DTNBP1: variants seen among roughly 807,000 people sequenced by gnomAD.
DTNBP1 encodes the protein dysbindin.
A neutral mutation model predicts 42.8 loss-of-function variants in DTNBP1; 35 were observed. The ratio of observed to expected loss-of-function variants is 0.82; its 90% confidence interval spans 0.63 to 1.09. DTNBP1 has a LOEUF of 1.09. Ranked by LOEUF, DTNBP1 falls within the 50% of genes least tolerant of loss-of-function variation. The probability of loss-of-function intolerance (pLI) is 0.00; values close to 1 mark genes in which losing one functional copy is unlikely to be tolerated. For synonymous variants in DTNBP1, 171 were observed against 162.2 expected, an observed-to-expected ratio of 1.05 and a Z score of -0.41; for missense variants, 457 against 424.2, an observed-to-expected ratio of 1.08 and a Z score of -0.68.
At position 15,662,818 on chromosome 6, in the gene DTNBP1, A is replaced by C. The variant is rs759640688; in HGVS notation, c.52T>G (p.Ser18Ala). 1 of 1,611,318 alleles carries C rather than the reference A, an allele frequency of 6.2e-7. No homozygotes were observed. The highest frequency in any genetic ancestry group is 1.1e-5 in the South Asian group (1 of 91,044). Residue 18 changes from serine to alanine, a missense_variant, in exon 1 of 10, where the codon TCC (serine) becomes GCC (alanine). Coordinates refer to ENST00000344537, the MANE Select transcript of DTNBP1 (RefSeq NM_032122.5). ...CGTCGCCCACCGTATACCCACCCGG[A>C]GGTGAAATCCTGCTGCACGCTCAGC... ...RLLSVQQDFTSGLKTLSDKSR... is the reference protein window; with the variant it reads ...RLLSVQQDFTAGLKTLSDKSR...
chr6:15,524,141 C>G (rs760606455), intron 9 of DTNBP1: 1 of 1,390,058 alleles, frequency 7.2e-7, no homozygotes, highest in South Asian at 1.2e-5. Context: ...CCCTAAATGC[C>G]TGTCGCACGA....
chr6:15,561,354 G>A (rs921775787), intron 7 of DTNBP1, among the ~76,000 whole-genome samples: 3 of 152,198 alleles, frequency 2.0e-5, no homozygotes, highest in Non-Finnish European at 4.4e-5. Context: ...TACTCTTGTG[G>A]AATATACTGT....
intron 5 of DTNBP1, among the ~76,000 whole-genome samples, chr6:15,624,084 AGTGCGTG>A (rs1356073609): frequency 6.6e-6 from 1 of 152,214 alleles, no homozygotes; most frequent in South Asian, 2.1e-4. Flanking sequence ...GTCTGTACGC[AGTGCGTG>A]GTGCGTGGCA....
chr6:15,548,947 T>C (rs568202767), intron 7 of DTNBP1, among the ~76,000 whole-genome samples: 1 of 152,310 alleles, frequency 6.6e-6, no homozygotes, highest in East Asian at 1.9e-4. Context: ...TAAAAATGTA[T>C]ATTTTTCTAT....
intron 9 of DTNBP1, 144 bp downstream of exon 9, chr6:15,524,363 GCCACACAGCCGTGTGGAAC>G (rs1772193472): frequency 6.2e-7 from 1 of 1,613,410 alleles, no homozygotes; most frequent in African/African-American, 1.3e-5. Flanking sequence ...TGTTGCAGCT[GCCACACAGCCGTGTGGAAC>G]CGTGGGGTTA....
chr6:15,658,923 C>T (rs1006902807), intron 1 of DTNBP1, among the ~76,000 whole-genome samples: 3 of 152,216 alleles, frequency 2.0e-5, no homozygotes, highest in East Asian at 3.8e-4. Flanking sequence ...GGCTGGCCCA[C>T]CACCCAATTA....
At chr6:15,618,476 T>C (rs1429238780) in intron 5 of DTNBP1, among the ~76,000 whole-genome samples, 1 of 150,624 alleles carries the variant, frequency 6.6e-6, no homozygotes, top group Non-Finnish European at 1.5e-5. Flanking sequence ...TCTCCTCCAA[T>C]ATGCAATACA....
At position 15,522,881 on chromosome 6, in the gene DTNBP1, A is replaced by G; in HGVS notation, c.*94T>C. On this transcript the variant is annotated 3_prime_UTR_variant, in exon 10 of 10. Transcript: ENST00000344537. Reference sequence around the variant, plus strand: ...ATTATTGGCAATTATGTAAAAATCAAGAACCTCTATAAAACAACCTGGCTT... The same window carrying G: ...ATTATTGGCAATTATGTAAAAATCAGGAACCTCTATAAAACAACCTGGCTT... 6.2e-7 allele frequency: 1 copy of G among 1,605,822 alleles called. No individual in the cohort carries two copies.
intron 7 of DTNBP1, among the ~76,000 whole-genome samples, chr6:15,538,762 T>C (rs1225474485): frequency 1.3e-5 from 2 of 152,178 alleles, no homozygotes; most frequent in Non-Finnish European, 2.9e-5. Context: ...TCCGCTGAGT[T>C]TGGGTGCTAT....
At chr6:15,539,142 T>C (rs1376995667) in intron 7 of DTNBP1, among the ~76,000 whole-genome samples, 2 of 152,218 alleles carry the variant, frequency 1.3e-5, no homozygotes, top group Non-Finnish European at 2.9e-5. Context: ...TCTTCTTATA[T>C]TCTGATCTAC....
chr6:15,617,077 A>G (rs1163452024), intron 5 of DTNBP1, among the ~76,000 whole-genome samples: 1 of 152,176 alleles, frequency 6.6e-6, no homozygotes, highest in African/African-American at 2.4e-5. Context: ...AAGGGAAGGA[A>G]AGAGCCAGGT....
At chr6:15,651,424 AG>A in intron 2 of DTNBP1, 61 bp from the exon 3 acceptor site, 1 of 1,548,730 alleles carries the variant, frequency 6.5e-7, no homozygotes, top group Non-Finnish European at 8.9e-7. Flanking sequence ...AAAAAAAAAA[AG>A]GTACATACAA....
At chr6:15,661,515 G>C (rs1226740563) in intron 1 of DTNBP1, among the ~76,000 whole-genome samples, 1 of 151,990 alleles carries the variant, frequency 6.6e-6, no homozygotes, top group Admixed American at 6.6e-5. Flanking sequence ...AAAATAAGCC[G>C]GGCGCCTCTA....
At chr6:15,643,800 G>C (rs148376873) in intron 3 of DTNBP1, among the ~76,000 whole-genome samples, 1 of 152,224 alleles carries the variant, frequency 6.6e-6, no homozygotes. Context: ...TCTAAACATG[G>C]AAATGAAAGA....
chr6:15,588,529 T>C (rs953857702), intron 7 of DTNBP1, among the ~76,000 whole-genome samples: 1 of 152,142 alleles, frequency 6.6e-6, no homozygotes, highest in African/African-American at 2.4e-5. Flanking sequence ...AAAACAAAAA[T>C]TCCAGTTTCC....
chr6:15,581,481 T>G (rs1775832560), intron 7 of DTNBP1, among the ~76,000 whole-genome samples: 1 of 133,302 alleles, frequency 7.5e-6, no homozygotes. Flanking sequence ...CCCGACTGTT[T>G]TTTTTTTTTT....
At chr6:15,651,856 C>T (rs1343811792) in intron 2 of DTNBP1, among the ~76,000 whole-genome samples, 2 of 152,204 alleles carry the variant, frequency 1.3e-5, no homozygotes, top group Non-Finnish European at 2.9e-5. Flanking sequence ...TCAAATAATA[C>T]TCATTGACTG....
At chr6:15,637,705 G>T (rs755677749) in intron 4 of DTNBP1, 39 bp downstream of exon 4, 20 of 1,606,318 alleles carry the variant, frequency 1.2e-5, no homozygotes, top group Non-Finnish European at 1.6e-5. Context: ...ACTGAAAAAG[G>T]AAAGTTTGCC....
intron 7 of DTNBP1, among the ~76,000 whole-genome samples, chr6:15,550,486 T>C (rs768615263): frequency 5.3e-5 from 8 of 152,182 alleles, no homozygotes; most frequent in Non-Finnish European, 7.3e-5. Context: ...TGCTTTTGAG[T>C]TCAAAGGCCT....
Sources: allele counts gnomAD v4.1 joint callset (sites outside exome capture counted in the v4.1 genomes callset), GRCh38; gene constraint gnomAD v4.1.1; transcripts MANE v1.5; gene names NCBI Gene and HGNC (gene_info 2026-07-23, HGNC 2026-07-21).